Variants in GSG1L observed in about 807,000 individuals in gnomAD.
The protein encoded by GSG1L is germ cell-specific gene 1-like protein.
GSG1L carries 24 observed loss-of-function variants against 42.1 expected under a neutral mutation model. The ratio of observed to expected loss-of-function variants is 0.57; its 90% CI spans 0.41 to 0.80. The LOEUF (loss-of-function observed/expected upper bound fraction) is 0.80. GSG1L is among the 30% of genes least tolerant of loss of function. GSG1L has a pLI of 0.00. For synonymous variants in GSG1L, 215 were observed against 203.5 expected (o/e 1.06, Z -0.48); for missense variants, 445 against 472.2 (o/e 0.94, Z 0.53).
chr16:27,949,780 C>T (rs1163729801), intron 2 of GSG1L, among the ~76,000 whole-genome samples: 1 of 152,136 alleles, frequency 6.6e-6, no homozygotes, highest in Non-Finnish European at 1.5e-5. Flanking sequence ...AAAAAATTAG[C>T]TGGTTGCGGT....
At chr16:28,052,426 C>G (rs1441032652) in intron 1 of GSG1L, among the ~76,000 whole-genome samples, 1 of 152,120 alleles carries the variant, frequency 6.6e-6, no homozygotes, top group African/African-American at 2.4e-5. Context: ...ACCCTGCTGG[C>G]CCCAGGTCTC....
intron 1 of GSG1L, among the ~76,000 whole-genome samples, chr16:27,975,515 C>T (rs767427138): frequency 5.9e-5 from 9 of 152,198 alleles, no homozygotes; most frequent in African/African-American, 7.2e-5. Flanking sequence ...GTTTAGTACA[C>T]GTGTCCTCTA....
intron 2 of GSG1L, among the ~76,000 whole-genome samples, chr16:27,951,300 A>G (rs2084948429): frequency 6.6e-6 from 1 of 152,176 alleles, no homozygotes; most frequent in South Asian, 2.1e-4. Context: ...CAGGGCTGGG[A>G]GTATTATCTC....
intron 3 of GSG1L, among the ~76,000 whole-genome samples, chr16:27,866,704 T>C (rs2083730314): frequency 6.6e-6 from 1 of 152,184 alleles, no homozygotes; most frequent in Non-Finnish European, 1.5e-5. Flanking sequence ...TCCAAGTAGC[T>C]GGGACTACAG....
chr16:27,892,156 G>C (rs1012482750), intron 2 of GSG1L, among the ~76,000 whole-genome samples: 19 of 152,008 alleles, frequency 1.2e-4, no homozygotes, highest in Non-Finnish European at 2.6e-4. Flanking sequence ...ATTTTTAAAT[G>C]TACATGTAAA....
intron 5 of GSG1L, among the ~76,000 whole-genome samples, chr16:27,825,030 G>T (rs1039459606): frequency 6.6e-6 from 1 of 152,222 alleles, no homozygotes. Context: ...GATCTTCCTG[G>T]CCACTGCTGC....
intron 5 of GSG1L, among the ~76,000 whole-genome samples, chr16:27,819,588 C>T (rs2083130230): frequency 6.6e-6 from 1 of 152,202 alleles, no homozygotes; most frequent in Admixed American, 6.5e-5. Context: ...TGTCAGGCAG[C>T]ACTCCAGCAG....
chr16:28,034,772 C>T (rs963720726), intron 1 of GSG1L, among the ~76,000 whole-genome samples: 1 of 152,318 alleles, frequency 6.6e-6, no homozygotes, highest in East Asian at 1.9e-4. Flanking sequence ...GCATCCAGGG[C>T]CTCTACCCAT....
intron 6 of GSG1L, among the ~76,000 whole-genome samples, chr16:27,793,629 G>A (rs1252176491): frequency 2.6e-5 from 4 of 152,206 alleles, no homozygotes; most frequent in Non-Finnish European, 5.9e-5. Flanking sequence ...AGAACAGAAA[G>A]AAAGTGATAG....
intron 6 of GSG1L, 53 bp from the exon 7 acceptor site, chr16:27,791,520 C>T: frequency 1.6e-6 from 2 of 1,253,914 alleles, no homozygotes; most frequent in Non-Finnish European, 2.1e-6. Context: ...CCACCCACAT[C>T]CTGTCTACCC....
At chr16:27,892,851 G>A (rs2084145166) in intron 2 of GSG1L, among the ~76,000 whole-genome samples, 1 of 150,044 alleles carries the variant, frequency 6.7e-6, no homozygotes, top group African/African-American at 2.4e-5. Context: ...GGAAAGAAAA[G>A]TAGGTGTTGG....
At chr16:27,902,850 C>G (rs896451753) in intron 2 of GSG1L, among the ~76,000 whole-genome samples, 2 of 152,118 alleles carry the variant, frequency 1.3e-5, no homozygotes, top group Non-Finnish European at 2.9e-5. Context: ...GACAGGGTAC[C>G]CAGAGAGTAG....
At chr16:27,938,405 A>G (rs987527200) in intron 2 of GSG1L, among the ~76,000 whole-genome samples, 1 of 146,850 alleles carries the variant, frequency 6.8e-6, no homozygotes, top group Non-Finnish European at 1.5e-5. Flanking sequence ...AAAAAGGCAG[A>G]GGAGCAGAGA....
At chr16:27,930,416 A>G (rs1027840029) in intron 2 of GSG1L, among the ~76,000 whole-genome samples, 2 of 152,096 alleles carry the variant, frequency 1.3e-5, no homozygotes, top group African/African-American at 4.8e-5. Context: ...ACTTAACACC[A>G]TCTAACACGC....
intron 1 of GSG1L, among the ~76,000 whole-genome samples, chr16:28,033,423 T>C (rs1005950873): frequency 6.6e-6 from 1 of 152,216 alleles, no homozygotes; most frequent in African/African-American, 2.4e-5. Flanking sequence ...AGTGGGTGAC[T>C]GGGAATGAGA....
At chr16:27,949,382 G>A (rs189671315) in intron 2 of GSG1L, among the ~76,000 whole-genome samples, 10 of 152,308 alleles carry the variant, frequency 6.6e-5, no homozygotes, top group Admixed American at 5.2e-4. Context: ...ATGGGAGGCG[G>A]GTATGGCACA....
At chr16:27,973,481 A>G in intron 1 of GSG1L, among the ~76,000 whole-genome samples, 1 of 135,338 alleles carries the variant, frequency 7.4e-6, no homozygotes, top group African/African-American at 2.7e-5. Context: ...GTGTGTGCTT[A>G]GGAGATGGCT....
At position 27,888,401 on chromosome 16, in the gene GSG1L, C is replaced by CTTTCTTTCT. The variant is rs1203341567; in HGVS notation, c.398-3764_398-3763insAGAAAGAAA. 1.8e-4 allele frequency among the ~76,000 whole-genome samples: 22 copies of CTTTCTTTCT among 122,566 alleles called. 2 individuals are homozygous for CTTTCTTTCT. Among genetic ancestry groups the CTTTCTTTCT allele is most frequent in the African/African-American group, 7.7e-4 (21 of 27,446 alleles). 80.4% of individuals were successfully genotyped at this position (122,566 alleles called of 152,430 possible). ...GGTTCTTTCTTTCTTTTCTTTTCTC[C>CTTTCTTTCT]TTCTTTCTTTCTTTCTTTCTTTCTT... On this transcript the variant is annotated intron_variant, in intron 2 of 6. Coordinates refer to ENST00000447459, the MANE Select transcript of GSG1L (RefSeq NM_001109763.2).
chr16:27,851,588 C>G (rs535029008), intron 3 of GSG1L, among the ~76,000 whole-genome samples: 2 of 151,990 alleles, frequency 1.3e-5, no homozygotes, highest in African/African-American at 4.8e-5. Context: ...GGTTGAGGAG[C>G]GGCAAGCAGA....
Sources: allele counts gnomAD v4.1 joint callset (sites outside exome capture counted in the v4.1 genomes callset), GRCh38; gene constraint gnomAD v4.1.1; transcripts MANE v1.5; gene names NCBI Gene and HGNC (gene_info 2026-07-23, HGNC 2026-07-21).